Variants in DOCK3 observed in about 807,000 individuals in gnomAD.
The protein encoded by DOCK3 is dedicator of cytokinesis protein 3.
In DOCK3, 60 loss-of-function variants were observed where a neutral mutation model predicts 265.6. The observed-to-expected ratio is 0.23, with a 90% CI of 0.18 to 0.28. The LOEUF (loss-of-function observed/expected upper bound fraction) is 0.28, where lower values mean the gene tolerates loss of function less well. Among genes scored for constraint, DOCK3 ranks in the 10% least tolerant of loss-of-function variants. The probability of loss-of-function intolerance (pLI) is 1.00; values close to 1 mark genes in which losing one functional copy is unlikely to be tolerated. For missense variants in DOCK3, 1,981 were observed against 2,594.3 expected (o/e 0.76, Z 5.14); for synonymous variants, 881 against 938.0 (o/e 0.94, Z 1.11).
chr3:50,873,150 C>T (rs574374241), intron 3 of DOCK3, among the ~76,000 whole-genome samples: 4 of 152,258 alleles, frequency 2.6e-5, no homozygotes, highest in South Asian at 2.1e-4. Flanking sequence ...GAGTTTCCCC[C>T]GAAGCCAGCA....
chr3:50,719,233 T>A (rs2037321037), intron 1 of DOCK3, among the ~76,000 whole-genome samples: 1 of 151,860 alleles, frequency 6.6e-6, no homozygotes, highest in African/African-American at 2.4e-5. Flanking sequence ...ATACTCTTAC[T>A]TGTTTTTTCC....
chr3:50,702,467 G>A (rs1050129536), intron 1 of DOCK3, among the ~76,000 whole-genome samples: 17 of 152,128 alleles, frequency 1.1e-4, no homozygotes, highest in Admixed American at 1.1e-3. Context: ...GAGTTCAAGC[G>A]ATTCTCCTGC....
At chr3:50,747,006 A>T (rs555040341) in intron 1 of DOCK3, among the ~76,000 whole-genome samples, 31 of 27,754 alleles carry the variant, frequency 1.1e-3, no homozygotes, top group Admixed American at 9.5e-3. Context: ...GGATTCAAGT[A>T]CATTTTTTTT....
chr3:50,963,939 G>A (rs2076958427), intron 5 of DOCK3, among the ~76,000 whole-genome samples: 1 of 152,232 alleles, frequency 6.6e-6, no homozygotes, highest in African/African-American at 2.4e-5. Flanking sequence ...TGTGTATTCA[G>A]CAGTGTGCTC....
intron 1 of DOCK3, among the ~76,000 whole-genome samples, chr3:50,751,127 T>C (rs1200879847): frequency 1.3e-5 from 2 of 152,204 alleles, no homozygotes; most frequent in African/African-American, 4.8e-5. Flanking sequence ...ATTGATGATA[T>C]TTTTGTGGGT....
chr3:50,774,004 T>C (rs1262311861), intron 1 of DOCK3, among the ~76,000 whole-genome samples: 1 of 152,126 alleles, frequency 6.6e-6, no homozygotes, highest in Non-Finnish European at 1.5e-5. Context: ...AGATTTATAA[T>C]GCTACAAGTA....
rs139598233 is a variant in DOCK3, at chr3:50,919,961, C to T, written c.219-14020C>T. Among the ~76,000 whole-genome samples the T allele has an allele frequency of 1.3e-4, 20 of 152,032 alleles. No homozygotes were observed. The South Asian group carries it at 3.3e-3, about 25-fold the overall frequency. ...TTTATTGAGAGTTTTTAGCATGAAG[C>T]GCTGTTGAATTTTGTCAAAGGCCTT... On this transcript the variant is annotated intron_variant, in intron 4 of 52. Transcript: ENST00000266037.
intron 22 of DOCK3, among the ~76,000 whole-genome samples, chr3:51,256,058 G>T (rs1360965815): frequency 6.6e-6 from 1 of 152,270 alleles, no homozygotes; most frequent in South Asian, 2.1e-4. Context: ...TGGTGTGGAT[G>T]TCCTTTCTGT....
intron 5 of DOCK3, among the ~76,000 whole-genome samples, chr3:51,037,612 T>C (rs2080318359): frequency 6.6e-6 from 1 of 152,206 alleles, no homozygotes; most frequent in South Asian, 2.1e-4. Flanking sequence ...TTTCATTAAA[T>C]TACCTCTCAG....
chr3:50,792,353 G>A (rs1046259665), intron 2 of DOCK3, among the ~76,000 whole-genome samples: 1 of 152,108 alleles, frequency 6.6e-6, no homozygotes, highest in Admixed American at 6.5e-5. Context: ...AAGGAGCTTT[G>A]GGGCTGACAC....
chr3:50,773,114 G>A (rs761698339), intron 1 of DOCK3, among the ~76,000 whole-genome samples: 2 of 152,110 alleles, frequency 1.3e-5, no homozygotes, highest in African/African-American at 2.4e-5. Flanking sequence ...GAACAGAATA[G>A]AGAACCTAAA....
At chr3:51,357,643 A>G (rs2086453468) in intron 44 of DOCK3, 115 bp from the exon 45 acceptor site, 4 of 932,706 alleles carry the variant, frequency 4.3e-6, no homozygotes, top group Non-Finnish European at 6.7e-6. Flanking sequence ...GTATGTACCT[A>G]TGAGGAGACA....
At chr3:51,017,164 G>T (rs983859922) in intron 5 of DOCK3, among the ~76,000 whole-genome samples, 7 of 150,006 alleles carry the variant, frequency 4.7e-5, no homozygotes, top group African/African-American at 1.7e-4. Context: ...ATTTATTGGT[G>T]TATAGTTTTT....
In DOCK3 at chr3:51,312,008, A is replaced by G. The variant is rs746332258; in HGVS notation, c.3022A>G (p.Ile1008Val). The change falls in exon 29 of 53, where the codon ATA (isoleucine) becomes GTA (valine). Residue 1008 changes from isoleucine to valine, a missense_variant. Physicochemically the swap from Ile to Val is conservative, Grantham distance 29. Transcript: ENST00000266037. Reference sequence around the variant, plus strand: ...TGCCTTGTTTCCTTACTGCAGTATTATAGTCACTACTGTCCAGTACCTGTC... The same window carrying G: ...TGCCTTGTTTCCTTACTGCAGTATTGTAGTCACTACTGTCCAGTACCTGTC... Reference protein sequence around the residue: ...MVMRLLTSNIIVTTVQYLSSA... With the variant: ...MVMRLLTSNIVVTTVQYLSSA... The G allele has an allele frequency of 6.4e-5, 102 of 1,598,386 alleles. No homozygotes were observed. Among genetic ancestry groups the G allele is most frequent in the Non-Finnish European group, 8.4e-5 (98 of 1,171,350 alleles).
intron 3 of DOCK3, among the ~76,000 whole-genome samples, chr3:50,846,936 A>G (rs553971957): frequency 6.6e-6 from 1 of 152,210 alleles, no homozygotes; most frequent in Non-Finnish European, 1.5e-5. Flanking sequence ...CTAGCAGTCC[A>G]TCAATCTTGT....
intron 21 of DOCK3, among the ~76,000 whole-genome samples, chr3:51,244,045 A>G (rs1361073263): frequency 2.6e-5 from 4 of 152,190 alleles, no homozygotes; most frequent in African/African-American, 4.8e-5. Flanking sequence ...CTTCTGGCCT[A>G]TCTTTTCCCA....
chr3:50,787,206 A>G lies in DOCK3; in HGVS notation c.121+8448A>G, dbSNP rs550203459. 4.6e-5 allele frequency: 28 copies of G among 609,468 alleles called. No homozygotes were observed. The East Asian group carries it at 8.3e-4, about 18-fold the overall frequency. 37.8% of individuals were successfully genotyped at this position (609,468 alleles called of 1,614,324 possible). On this transcript the variant is annotated intron_variant, in intron 2 of 52. Transcript: ENST00000266037. ...ATTGCCACATTTATCACAAATCTGC[A>G]TGTGCCTATGAGTAATATTCATTTG...
chr3:51,365,598 A>C lies in DOCK3; in HGVS notation c.5293+2924A>C, dbSNP rs1265684430. On this transcript the variant is annotated intron_variant, in intron 49 of 52. Transcript: ENST00000266037. ...AAGGGAATGCTTCCAGTTTTTGTCCATTCAGTATGATATTGGCTGTGGGTT... is the reference window on the plus strand; with the variant it reads ...AAGGGAATGCTTCCAGTTTTTGTCCCTTCAGTATGATATTGGCTGTGGGTT... Among the ~76,000 whole-genome samples, 3 of 152,316 alleles carry C rather than the reference A, an allele frequency of 2.0e-5. No individual in the cohort carries two copies. The South Asian group carries it at 6.2e-4, about 32-fold the overall frequency.
chr3:50,914,526 T>C (rs1490659594), intron 4 of DOCK3, among the ~76,000 whole-genome samples: 1 of 152,162 alleles, frequency 6.6e-6, no homozygotes, highest in Non-Finnish European at 1.5e-5. Context: ...TTGTTGTTGA[T>C]ATGTAGTTTT....
Sources: allele counts gnomAD v4.1 joint callset (sites outside exome capture counted in the v4.1 genomes callset), GRCh38; gene constraint gnomAD v4.1.1; transcripts MANE v1.5; gene names NCBI Gene and HGNC (gene_info 2026-07-23, HGNC 2026-07-21).